The following SAMMSON variants were observed in gnomAD, a reference collection of about 807,000 sequenced individuals.
SAMMSON encodes long intergenic non-protein coding RNA 1212.
intron 3 of SAMMSON, among the ~76,000 whole-genome samples, chr3:70,019,476 C>T (rs2067001280): frequency 6.6e-6 from 1 of 152,128 alleles, no homozygotes; most frequent in African/African-American, 2.4e-5. Context: ...CTATGTGTGT[C>T]TCTGCACTTG....
intron 7 of SAMMSON, among the ~76,000 whole-genome samples, chr3:70,346,184 A>G (rs1360068948): frequency 6.6e-6 from 1 of 152,174 alleles, no homozygotes; most frequent in Non-Finnish European, 1.5e-5. Context: ...TATGATAGGT[A>G]TGGCATTTCT....
intron 4 of SAMMSON, chr3:70,159,570 C>CT (rs967643171): frequency 6.7e-5 from 10 of 149,634 alleles, no homozygotes; most frequent in South Asian, 4.3e-4. Flanking sequence ...TATTGTCTGA[C>CT]TTTTTTTTTT....
intron 4 of SAMMSON, among the ~76,000 whole-genome samples, chr3:70,082,794 C>T (rs1472573266): frequency 3.3e-5 from 5 of 152,198 alleles, no homozygotes; most frequent in Non-Finnish European, 5.9e-5. Context: ...GCAAATGCTG[C>T]TATAGCATCT....
chr3:70,144,243 C>A (rs898388452), intron 4 of SAMMSON, among the ~76,000 whole-genome samples: 3 of 152,024 alleles, frequency 2.0e-5, no homozygotes, highest in Admixed American at 2.0e-4. Flanking sequence ...AGCAAATTGG[C>A]AAATTGGCCT....
chr3:70,360,294 G>C (rs1702862057), intron 9 of SAMMSON, among the ~76,000 whole-genome samples: 2 of 152,208 alleles, frequency 1.3e-5, no homozygotes, highest in South Asian at 4.1e-4. Flanking sequence ...CCTAATTCAA[G>C]ACACGGATTC....
At chr3:70,216,558 C>T (rs989016930) in intron 4 of SAMMSON, among the ~76,000 whole-genome samples, 1 of 152,042 alleles carries the variant, frequency 6.6e-6, no homozygotes, top group African/African-American at 2.4e-5. Flanking sequence ...GGCTCCAAGT[C>T]CATGTTCCTA....
At chr3:70,114,968 A>C (rs1386502375) in intron 4 of SAMMSON, among the ~76,000 whole-genome samples, 1 of 152,098 alleles carries the variant, frequency 6.6e-6, no homozygotes, top group African/African-American at 2.4e-5. Flanking sequence ...AAATTGTAGA[A>C]TCAAGTATAT....
At chr3:70,418,429 T>G (rs1701282659) in intron 2 of SAMMSON, among the ~76,000 whole-genome samples, 1 of 152,210 alleles carries the variant, frequency 6.6e-6, no homozygotes, top group African/African-American at 2.4e-5. Flanking sequence ...TGTCAGGGCA[T>G]CTGTCTTCTG....
chr3:70,104,932 A>G (rs2067361647), intron 4 of SAMMSON, among the ~76,000 whole-genome samples: 1 of 152,186 alleles, frequency 6.6e-6, no homozygotes, highest in Admixed American at 6.5e-5. Context: ...GGTTCTCAGT[A>G]GCCTCAACTA....
intron 7 of SAMMSON, among the ~76,000 whole-genome samples, chr3:70,324,161 A>G (rs955239019): frequency 1.5e-5 from 2 of 133,606 alleles, no homozygotes; most frequent in Admixed American, 7.5e-5. Flanking sequence ...CTCTCTATCT[A>G]TCTATCTATC....
chr3:70,111,592 A>G (rs1240258140), intron 4 of SAMMSON, among the ~76,000 whole-genome samples: 3 of 152,192 alleles, frequency 2.0e-5, no homozygotes, highest in Non-Finnish European at 2.9e-5. Context: ...GTGATTCACT[A>G]CTAGGGAGAA....
chr3:70,162,187 A>G (rs2067618147), intron 4 of SAMMSON, among the ~76,000 whole-genome samples: 1 of 151,574 alleles, frequency 6.6e-6, no homozygotes, highest in South Asian at 2.1e-4. Context: ...CCTTGGGCTT[A>G]ATTTCTTCTT....
In SAMMSON at chr3:70,125,930, G is replaced by T. The variant is rs139015743; in HGVS notation, n.507+54365G>T. 336 of 737,066 alleles carry T rather than the reference G, an allele frequency of 4.6e-4. 1 individual carries two copies. In the East Asian group the frequency reaches 5.5e-3, roughly 12 times the overall value. 45.7% of individuals were successfully genotyped at this position (737,066 alleles called of 1,614,324 possible). The stretch of plus-strand genomic sequence containing the variant: ...TCCTCATCGTCTTCTGGCCAAGGAG[G>T]TTCCTCAGGTGGCTGAGGAGATGTG... On this transcript the variant is annotated intron_variant and non_coding_transcript_variant, in intron 4 of 9. Transcript: ENST00000642114.
intron 6 of SAMMSON, among the ~76,000 whole-genome samples, chr3:70,290,259 T>C (rs1461596735): frequency 6.6e-6 from 1 of 152,190 alleles, no homozygotes; most frequent in African/African-American, 2.4e-5. Flanking sequence ...CCTTTCTGTT[T>C]GTTAGTTTTC....
intron 4 of SAMMSON, among the ~76,000 whole-genome samples, chr3:70,085,794 G>A (rs2067283344): frequency 6.6e-6 from 1 of 152,060 alleles, no homozygotes; most frequent in Admixed American, 6.6e-5. Context: ...TCACAATCTA[G>A]TTCCTCCCAA....
At chr3:70,254,189 T>G (rs1452339620) in intron 6 of SAMMSON, among the ~76,000 whole-genome samples, 2 of 152,118 alleles carry the variant, frequency 1.3e-5, no homozygotes, top group African/African-American at 4.8e-5. Flanking sequence ...TGATAAAACA[T>G]TAGTGTCAAT....
intron 6 of SAMMSON, among the ~76,000 whole-genome samples, chr3:70,280,509 G>T (rs562970694): frequency 6.6e-6 from 1 of 152,126 alleles, no homozygotes; most frequent in Non-Finnish European, 1.5e-5. Context: ...CTTTCTAGGG[G>T]AGCTGAGCTG....
intron 2 of SAMMSON, among the ~76,000 whole-genome samples, chr3:70,408,866 G>A (rs1423840839): frequency 6.6e-6 from 1 of 152,138 alleles, no homozygotes; most frequent in Non-Finnish European, 1.5e-5. Context: ...ACATACCTGA[G>A]ACTAGGAAGA....
At chr3:70,176,467 G>A (rs1018710904) in intron 4 of SAMMSON, among the ~76,000 whole-genome samples, 2 of 152,132 alleles carry the variant, frequency 1.3e-5, no homozygotes, top group African/African-American at 4.8e-5. Flanking sequence ...TTGACCTGAC[G>A]TGGATGACAA....
Sources: gnomAD v4.1 joint callset for allele counts (sites outside exome capture counted in the v4.1 genomes callset) on GRCh38, gnomAD v4.1.1 for gene constraint, MANE v1.5 for transcripts, NCBI Gene and HGNC (gene_info 2026-07-23, HGNC 2026-07-21) for gene names.